Variants in SEC22C observed in about 807,000 individuals in gnomAD.
SEC22C encodes SEC22 homolog C, vesicle trafficking protein.
A neutral mutation model predicts 34.7 loss-of-function variants in SEC22C; 29 were observed. That is an observed-to-expected ratio of 0.84 (90% CI 0.62 to 1.14). SEC22C has a LOEUF of 1.14. SEC22C is among the 50% of genes most tolerant of loss of function. The pLI is 0.00. For missense variants in SEC22C, 337 were observed against 369.0 expected, an observed-to-expected ratio of 0.91 and a Z score of 0.71; for synonymous variants, 117 against 132.8, an observed-to-expected ratio of 0.88 and a Z score of 0.82.
intron 1 of SEC22C, among the ~76,000 whole-genome samples, chr3:42,569,329 A>G (rs1024483371): frequency 6.6e-6 from 1 of 152,152 alleles, no homozygotes; most frequent in Non-Finnish European, 1.5e-5. Flanking sequence ...TTCCAGAATT[A>G]AGCCAACTGG....
chr3:42,555,871 C>T (rs757466136), intron 6 of SEC22C, 59 bp downstream of exon 6: 4 of 1,348,998 alleles, frequency 3.0e-6, no homozygotes, highest in Non-Finnish European at 4.2e-6. Context: ...GATAGATGAA[C>T]AGAAGAACAA....
rs527562784 is a variant in SEC22C at position 42,551,720 on chromosome 3, A to G, written c.*1528T>C. ...GTTACTATGGCAACATTTTCCCAAC[A>G]TAGTTCCCAGTATATAAACTTATTT... On this transcript the variant is annotated 3_prime_UTR_variant, in exon 7 of 7. Transcript: ENST00000264454. 1.0e-6 allele frequency: 1 copy of G among 963,328 alleles called. No individual in the cohort carries two copies. The highest frequency in any genetic ancestry group is 1.2e-6 in the Non-Finnish European group (1 of 809,924). The allele number at this position is 963,328 out of a possible 1,614,324, so 59.7% of individuals were successfully genotyped here. A position where few individuals can be genotyped will look rare whatever the true frequency, so the allele number is the denominator to read the frequency against.
intron 1 of SEC22C, among the ~76,000 whole-genome samples, chr3:42,577,564 T>G (rs1420411913): frequency 1.3e-5 from 2 of 152,194 alleles, no homozygotes; most frequent in Non-Finnish European, 2.9e-5. Flanking sequence ...GAGATAATAC[T>G]ACCTACCCAT....
intron 2 of SEC22C, among the ~76,000 whole-genome samples, chr3:42,567,290 T>C (rs968642856): frequency 7.2e-5 from 11 of 152,100 alleles, no homozygotes; most frequent in Non-Finnish European, 1.0e-4. Context: ...AACGAGAAAA[T>C]AGACGTAAAA....
chr3:42,599,445 C>G (rs930253820), intron 1 of SEC22C, among the ~76,000 whole-genome samples: 2 of 151,018 alleles, frequency 1.3e-5, no homozygotes, highest in African/African-American at 2.4e-5. Context: ...GTAATCCCAG[C>G]ACTTTGGGAG....
chr3:42,552,871 T>TG lies in SEC22C; in HGVS notation c.*376dup, dbSNP rs1702315224. 1 of 1,036,176 alleles carries TG rather than the reference T, an allele frequency of 9.7e-7. No homozygotes were observed. Among genetic ancestry groups the TG allele is most frequent in the Admixed American group, 5.2e-5 (1 of 19,126 alleles). 64.2% of individuals were successfully genotyped at this position (1,036,176 alleles called of 1,614,324 possible). A position where few individuals can be genotyped will look rare whatever the true frequency, so the allele number is the denominator to read the frequency against. On this transcript the variant is annotated 3_prime_UTR_variant, in exon 7 of 7. Transcript: ENST00000264454. Reference sequence around the variant, plus strand: ...TGATTTGGATTTTAAAGTGGTTCCTTGGAGACAACTCTCAATGACTAAAAC... The same window carrying TG: ...TGATTTGGATTTTAAAGTGGTTCCTTGGGAGACAACTCTCAATGACTAAAAC...
At chr3:42,568,709 C>A (rs1481362339) in intron 2 of SEC22C, among the ~76,000 whole-genome samples, 156 bp downstream of exon 2, 1 of 151,144 alleles carries the variant, frequency 6.6e-6, no homozygotes, top group African/African-American at 2.4e-5. Flanking sequence ...AAACCCATTT[C>A]TTTTATGATT....
intron 1 of SEC22C, chr3:42,587,616 G>C (rs1379571998): frequency 6.6e-6 from 1 of 152,116 alleles, no homozygotes; most frequent in South Asian, 2.1e-4. Flanking sequence ...AGCGCCTGTA[G>C]TCCCAGCTAC....
chr3:42,567,338 C>T (rs189241594), intron 2 of SEC22C, among the ~76,000 whole-genome samples: 74 of 152,314 alleles, frequency 4.9e-4, no homozygotes, highest in African/African-American at 1.8e-3. Flanking sequence ...ATCTGCCTTG[C>T]CCCTGATGCC....
Position 42,568,806 on chromosome 3 carries a change from G to A in SEC22C, c.182+59C>T, listed in dbSNP as rs955363750. 1.0e-5 allele frequency: 14 copies of A among 1,386,772 alleles called. 1 individual carries two copies. Among genetic ancestry groups the A allele is most frequent in the African/African-American group, 1.0e-4 (7 of 69,532 alleles). The allele number at this position is 1,386,772 out of a possible 1,614,324, so 85.9% of individuals were successfully genotyped here. On this transcript the variant is annotated intron_variant, in intron 2 of 6. Coordinates refer to ENST00000264454, the MANE Select transcript of SEC22C (RefSeq NM_032970.4). ...GATCAGCATAAGATTATCACTACAT[G>A]TAGTTAAAAGTAATCCAAATTTTGC...
At chr3:42,599,008 C>A (rs1577382971) in intron 1 of SEC22C, among the ~76,000 whole-genome samples, 1 of 141,568 alleles carries the variant, frequency 7.1e-6, no homozygotes, top group African/African-American at 2.6e-5. Flanking sequence ...CTCTGTCACC[C>A]AGGCTGGAAT....
chr3:42,564,020 A>C, intron 2 of SEC22C: 1 of 1,051,552 alleles, frequency 9.5e-7, no homozygotes. Flanking sequence ...CTACATCAAC[A>C]GATTTCCTAA....
chr3:42,548,307 A>G lies in SEC22C; in HGVS notation c.*4941T>C, dbSNP rs905030739. ...TCAAATCATATGAATGATTCATGAA[A>G]TAACACTTCTGAAGCAACCCCAGAA... On this transcript the variant is annotated 3_prime_UTR_variant, in exon 7 of 7. Transcript: ENST00000264454. 2.4e-5 allele frequency: 8 copies of G among 328,380 alleles called. No individual in the cohort carries two copies. Among genetic ancestry groups the G allele is most frequent in the Non-Finnish European group, 4.5e-5 (8 of 179,222 alleles). 20.3% of individuals were successfully genotyped at this position (328,380 alleles called of 1,614,324 possible). A position where few individuals can be genotyped will look rare whatever the true frequency, so the allele number is the denominator to read the frequency against.
intron 1 of SEC22C, among the ~76,000 whole-genome samples, chr3:42,589,867 C>T (rs1704755155): frequency 6.6e-6 from 1 of 152,182 alleles, no homozygotes; most frequent in African/African-American, 2.4e-5. Context: ...CAGTGGTCAC[C>T]AGGAGTAACC....
chr3:42,565,659 A>G, intron 2 of SEC22C: 1 of 297,372 alleles, frequency 3.4e-6, no homozygotes, highest in Non-Finnish European at 6.5e-6. Flanking sequence ...CAGAGCCTGC[A>G]GTAACGCATC....
intron 1 of SEC22C, among the ~76,000 whole-genome samples, chr3:42,592,873 C>A (rs543441169): frequency 5.3e-5 from 8 of 152,216 alleles, no homozygotes; most frequent in South Asian, 2.1e-4. Context: ...CTCTACCCCC[C>A]CCACCGTAAA....
chr3:42,596,700 A>G (rs1029271443), intron 1 of SEC22C, among the ~76,000 whole-genome samples: 7 of 152,216 alleles, frequency 4.6e-5, no homozygotes, highest in South Asian at 2.1e-4. Flanking sequence ...TCAAATCACA[A>G]GACAGAATAA....
At chr3:42,567,683 T>C (rs1373143712) in intron 2 of SEC22C, among the ~76,000 whole-genome samples, 6 of 152,244 alleles carry the variant, frequency 3.9e-5, no homozygotes, top group African/African-American at 1.2e-4. Flanking sequence ...GTTAGTTATA[T>C]ATTTCTCTTG....
In SEC22C at chr3:42,550,646, G is replaced by C. The variant is rs342535; in HGVS notation, c.*2602C>G. 1 of 984,610 alleles carries C rather than the reference G, an allele frequency of 1.0e-6. No homozygotes were observed. The highest frequency in any genetic ancestry group is 6.2e-5 in the Admixed American group (1 of 16,208). 61.0% of individuals were successfully genotyped at this position (984,610 alleles called of 1,614,324 possible). ...ATCTCACCCCATGTAGATGTTAACT[G>C]ATATCCACACATTCGACCTGGTGTG... is the stretch of plus-strand genomic sequence containing the variant. On this transcript the variant is annotated 3_prime_UTR_variant, in exon 7 of 7. Coordinates refer to ENST00000264454, the MANE Select transcript of SEC22C (RefSeq NM_032970.4).
Sources: gnomAD v4.1 joint callset for allele counts (sites outside exome capture counted in the v4.1 genomes callset) on GRCh38, gnomAD v4.1.1 for gene constraint, MANE v1.5 for transcripts, NCBI Gene and HGNC (gene_info 2026-07-23, HGNC 2026-07-21) for gene names.